Variants in FGGY observed in about 807,000 individuals in gnomAD.
FGGY encodes the protein FGGY carbohydrate kinase domain-containing protein.
FGGY carries 72 observed loss-of-function variants against 71.3 expected under a neutral mutation model. The observed-to-expected ratio is 1.01, with a 90% CI of 0.84 to 1.23. The LOEUF (loss-of-function observed/expected upper bound fraction) is 1.23. FGGY is among the 50% of genes most tolerant of loss of function. The pLI is 0.00. For missense variants in FGGY, 668 were observed against 682.3 expected, an observed-to-expected ratio of 0.98 and a Z score of 0.23; for synonymous variants, 251 against 250.3, an observed-to-expected ratio of 1.00 and a Z score of -0.02.
At chr1:59,743,083 G>T (rs1281247296) in intron 14 of FGGY, among the ~76,000 whole-genome samples, 1 of 152,100 alleles carries the variant, frequency 6.6e-6, no homozygotes, top group African/African-American at 2.4e-5. Context: ...TCCAAAATCT[G>T]ACCCCTGCCT....
At chr1:59,424,987 A>G (rs1207992248) in intron 5 of FGGY, among the ~76,000 whole-genome samples, 1 of 152,230 alleles carries the variant, frequency 6.6e-6, no homozygotes, top group Non-Finnish European at 1.5e-5. Flanking sequence ...GACCAAATAC[A>G]TCTAGAATCA....
At chr1:59,449,368 C>T (rs1015909905) in intron 5 of FGGY, among the ~76,000 whole-genome samples, 37 of 152,180 alleles carry the variant, frequency 2.4e-4, no homozygotes, top group African/African-American at 8.2e-4. Flanking sequence ...ACTGCAACCT[C>T]CACCTTCCAG....
intron 8 of FGGY, among the ~76,000 whole-genome samples, chr1:59,601,530 G>GCTTA (rs1356277750): frequency 1.3e-5 from 2 of 152,138 alleles, no homozygotes; most frequent in East Asian, 3.9e-4. Context: ...TGGGCAATTT[G>GCTTA]CTTACCCTCT....
chr1:59,408,615 T>C (rs2063126719), intron 5 of FGGY, among the ~76,000 whole-genome samples: 1 of 152,210 alleles, frequency 6.6e-6, no homozygotes, highest in Admixed American at 6.5e-5. Context: ...GGCACATGTA[T>C]AACTCTTTAA....
chr1:59,311,354 C>T (rs1239760251), intron 1 of FGGY, among the ~76,000 whole-genome samples: 1 of 151,692 alleles, frequency 6.6e-6, no homozygotes, highest in African/African-American at 2.4e-5. Flanking sequence ...TGGTGATTTA[C>T]TGCACCTATT....
intron 11 of FGGY, among the ~76,000 whole-genome samples, chr1:59,657,575 A>G (rs992087920): frequency 8.5e-5 from 13 of 152,084 alleles, no homozygotes; most frequent in Admixed American, 7.9e-4. Flanking sequence ...TCAGCTCATG[A>G]CTGGTGTTCA....
chr1:59,373,380 C>G (rs2058066027), intron 4 of FGGY, among the ~76,000 whole-genome samples: 1 of 152,182 alleles, frequency 6.6e-6, no homozygotes, highest in African/African-American at 2.4e-5. Context: ...AGGAGAACTA[C>G]AAACCACTGC....
At chr1:59,568,466 G>GT (rs1201466358) in intron 8 of FGGY, among the ~76,000 whole-genome samples, 14 of 134,674 alleles carry the variant, frequency 1.0e-4, no homozygotes, top group African/African-American at 3.2e-4. Flanking sequence ...CGGGGGGGCG[G>GT]GGGGGGGTGT....
At chr1:59,413,364 G>A (rs2063878766) in intron 5 of FGGY, among the ~76,000 whole-genome samples, 2 of 152,106 alleles carry the variant, frequency 1.3e-5, no homozygotes, top group Admixed American at 1.3e-4. Flanking sequence ...TGAGTTGGAT[G>A]GATGAATGGA....
chr1:59,608,632 A>G (rs866532978), intron 9 of FGGY, among the ~76,000 whole-genome samples: 1 of 152,312 alleles, frequency 6.6e-6, no homozygotes, highest in Middle Eastern at 3.4e-3. Flanking sequence ...CTGAAGCTCA[A>G]GGACAGCCTG....
chr1:59,458,189 G>GT (rs1301355669), intron 6 of FGGY, among the ~76,000 whole-genome samples: 1 of 152,146 alleles, frequency 6.6e-6, no homozygotes. Context: ...AAAATTAGTT[G>GT]TTTTTTGCTG....
intron 4 of FGGY, among the ~76,000 whole-genome samples, chr1:59,353,500 G>A (rs1046271364): frequency 6.6e-6 from 1 of 152,148 alleles, no homozygotes; most frequent in Admixed American, 6.5e-5. Context: ...CATATTTTCA[G>A]TCATTCATTT....
chr1:59,442,888 A>G (rs2070297267), intron 5 of FGGY, among the ~76,000 whole-genome samples: 2 of 152,232 alleles, frequency 1.3e-5, no homozygotes, highest in African/African-American at 4.8e-5. Flanking sequence ...ATCCTAAACC[A>G]AAATTGATAG....
At chr1:59,654,205 T>G (rs2097197168) in intron 11 of FGGY, among the ~76,000 whole-genome samples, 1 of 152,248 alleles carries the variant, frequency 6.6e-6, no homozygotes, top group Non-Finnish European at 1.5e-5. Context: ...CTGACACCTC[T>G]AAATATTTTT....
At chr1:59,479,069 T>A (rs1232350933) in intron 6 of FGGY, among the ~76,000 whole-genome samples, 5 of 152,240 alleles carry the variant, frequency 3.3e-5, no homozygotes. Context: ...TAATGTGGAC[T>A]GTTACATTAC....
chr1:59,328,444 G>A (rs2047825915), intron 2 of FGGY, among the ~76,000 whole-genome samples: 1 of 152,210 alleles, frequency 6.6e-6, no homozygotes, highest in African/African-American at 2.4e-5. Flanking sequence ...AGTTAGGACT[G>A]TGCTCTGGAT....
chr1:59,489,134 A>G (rs2093746959), intron 6 of FGGY, among the ~76,000 whole-genome samples: 1 of 152,172 alleles, frequency 6.6e-6, no homozygotes, highest in African/African-American at 2.4e-5. Flanking sequence ...TTTAGGGGGT[A>G]CATAGTGATG....
At chr1:59,754,681 G>A (rs1473790491) in intron 14 of FGGY, 1 of 152,276 alleles carries the variant, frequency 6.6e-6, no homozygotes, top group African/African-American at 2.4e-5. Flanking sequence ...GCCTCCCAAA[G>A]TGCCAGGATT....
chr1:59,732,356 C>T (rs916548855), intron 14 of FGGY, among the ~76,000 whole-genome samples: 2 of 152,240 alleles, frequency 1.3e-5, no homozygotes, highest in South Asian at 2.1e-4. Context: ...CTGTTTACCA[C>T]CCCCCTTCCT....
Sources: allele counts gnomAD v4.1 joint callset (sites outside exome capture counted in the v4.1 genomes callset), GRCh38; gene constraint gnomAD v4.1.1; transcripts MANE v1.5; gene names NCBI Gene and HGNC (gene_info 2026-07-23, HGNC 2026-07-21).